ENTPD4: variants seen among roughly 807,000 people sequenced by gnomAD.
ENTPD4 encodes the protein Golgi UDPase.
In ENTPD4, 60 loss-of-function variants were observed where a neutral mutation model predicts 79.1. That is an observed-to-expected ratio of 0.76 (90% CI 0.62 to 0.94). The LOEUF (loss-of-function observed/expected upper bound fraction) is 0.94. Among genes scored for constraint, ENTPD4 ranks in the 40% least tolerant of loss-of-function variants. ENTPD4 has a pLI of 0.00. For synonymous variants in ENTPD4, 276 were observed against 292.0 expected (o/e 0.95, Z 0.56); for missense variants, 772 against 775.1 (o/e 1.00, Z 0.05).
intron 6 of ENTPD4, among the ~76,000 whole-genome samples, chr8:23,442,556 G>A (rs967612443): frequency 2.0e-5 from 3 of 151,972 alleles, no homozygotes; most frequent in African/African-American, 4.8e-5. Context: ...TGGTGGCGGC[G>A]CCTGTAGTCC....
chr8:23,455,647 C>A (rs1429822063), intron 1 of ENTPD4, among the ~76,000 whole-genome samples: 1 of 152,018 alleles, frequency 6.6e-6, no homozygotes, highest in Non-Finnish European at 1.5e-5. Flanking sequence ...ATTCTGGTTC[C>A]CATTTTAAGT....
intron 10 of ENTPD4, among the ~76,000 whole-genome samples, chr8:23,436,324 C>T (rs1162807207): frequency 6.6e-6 from 1 of 152,134 alleles, no homozygotes; most frequent in Non-Finnish European, 1.5e-5. Flanking sequence ...GTCCATGACT[C>T]CTAGGCTGCA....
At chr8:23,447,923 A>G in intron 3 of ENTPD4, 38 bp from the exon 4 acceptor site, 1 of 1,543,440 alleles carries the variant, frequency 6.5e-7, no homozygotes, top group Non-Finnish European at 9.0e-7. Flanking sequence ...ATTTAGACAA[A>G]GAATATCACC....
At chr8:23,434,533 A>G (rs1026643614) in intron 11 of ENTPD4, 55 bp from the exon 12 acceptor site, 52 of 757,416 alleles carry the variant, frequency 6.9e-5, no homozygotes, top group Middle Eastern at 3.4e-4. Context: ...TCAAGATGGC[A>G]CACACACACA....
At chr8:23,434,686 C>CA (rs1800525136) in intron 11 of ENTPD4, 15 of 1,410,316 alleles carry the variant, frequency 1.1e-5, no homozygotes, top group African/African-American at 1.4e-5. Flanking sequence ...GTTCACCTGT[C>CA]AAATCAATCA....
Position 23,441,698 on chromosome 8 carries a change from G to A in ENTPD4, c.753C>T (p.Asn251=). ...CTTCGCTGCTTTCACTTCCAGGAAT[G>A]TTAACTTCCACAACGGCCTCATCAT... is the stretch of plus-strand genomic sequence containing the variant. The part of the protein sequence containing the change: ...EDDDEAVVEV[N]IPGSESSEAI... Residue 251 remains asparagine, a synonymous_variant, in exon 8 of 13, where the codon AAC becomes AAT. Transcript: ENST00000358689. 6.2e-7 allele frequency: 1 copy of A among 1,614,110 alleles called. No individual in the cohort carries two copies. The highest frequency in any genetic ancestry group is 1.7e-5 in the Admixed American group (1 of 60,026).
At position 23,432,100 on chromosome 8, in the gene ENTPD4, A is replaced by C; in HGVS notation, c.*826T>G. 1.0e-6 allele frequency: 1 copy of C among 985,108 alleles called. No homozygotes were observed. The highest frequency in any genetic ancestry group is 1.2e-6 in the Non-Finnish European group (1 of 829,672). 61.0% of individuals were successfully genotyped at this position (985,108 alleles called of 1,614,324 possible). On this transcript the variant is annotated 3_prime_UTR_variant, in exon 13 of 13. Coordinates refer to ENST00000358689, the MANE Select transcript of ENTPD4 (RefSeq NM_004901.5). ...TGGTGCCCATGTTTCTCTGTTTTGG[A>C]TATAAATGGTTTAAAAAATTTAAAT...
chr8:23,437,381 G>A (rs1203911898), intron 9 of ENTPD4, 123 bp from the exon 10 acceptor site: 2 of 681,844 alleles, frequency 2.9e-6, no homozygotes, highest in Non-Finnish European at 2.4e-6. Context: ...GACCGTGTCT[G>A]TGGAACAGAA....
chr8:23,444,928 T>A (rs1289374420), intron 4 of ENTPD4, among the ~76,000 whole-genome samples: 2 of 152,132 alleles, frequency 1.3e-5, no homozygotes, highest in African/African-American at 2.4e-5. Context: ...CTGAGGCTGC[T>A]ATCACCATCA....
intron 5 of ENTPD4, 135 bp from the exon 6 acceptor site, chr8:23,444,088 T>A (rs993525128): frequency 1.2e-5 from 7 of 571,492 alleles, no homozygotes; most frequent in Middle Eastern, 4.1e-4. Flanking sequence ...TTAATTTTTT[T>A]AAAAAAGAAA....
intron 8 of ENTPD4, 200 bp from the exon 9 acceptor site, chr8:23,440,115 T>C: frequency 3.7e-6 from 2 of 533,918 alleles, no homozygotes; most frequent in Non-Finnish European, 6.6e-6. Flanking sequence ...AAATTTGTGA[T>C]ACTGTTATGA....
intron 1 of ENTPD4, among the ~76,000 whole-genome samples, chr8:23,451,124 C>T (rs1294378237): frequency 3.3e-5 from 5 of 151,192 alleles, no homozygotes; most frequent in Admixed American, 1.3e-4. Flanking sequence ...CAGGTTAAAG[C>T]GATTCTCCTG....
chr8:23,432,364 C>T lies in ENTPD4; in HGVS notation c.*562G>A. On this transcript the variant is annotated 3_prime_UTR_variant, in exon 13 of 13. Transcript: ENST00000358689. ...AATTTAACATTCCTTAGAGAAACCC[C>T]AGAAATCTCATTTATTTTTGGCAGA... is the stretch of plus-strand genomic sequence containing the variant. 1.0e-6 allele frequency: 1 copy of T among 985,584 alleles called. No homozygotes were observed. Among genetic ancestry groups the T allele is most frequent in the South Asian group, 4.7e-5 (1 of 21,282 alleles). 61.1% of individuals were successfully genotyped at this position (985,584 alleles called of 1,614,324 possible).
Position 23,439,770 on chromosome 8 carries a change from G to C in ENTPD4, c.1028C>G (p.Ala343Gly). 1 of 1,614,076 alleles carries C rather than the reference G, an allele frequency of 6.2e-7. No homozygotes were observed. Among genetic ancestry groups the C allele is most frequent in the Non-Finnish European group, 8.5e-7 (1 of 1,179,988 alleles). ...TTACCTGTTCTTTTGAATGGTGTTG[G>C]CAAATATTCTGTCTTCGTATCTCTG... The part of the protein sequence containing the change: ...ARQRYEDRIF[A>G]NTIQKNRLLG... Residue 343 changes from alanine (A) to glycine (G), a missense_variant, in exon 9 of 13, where the codon GCC becomes GGC. Coordinates refer to ENST00000358689, the MANE Select transcript of ENTPD4 (RefSeq NM_004901.5).
intron 5 of ENTPD4, 51 bp downstream of exon 5, chr8:23,444,405 C>T (rs759653972): frequency 3.3e-6 from 5 of 1,535,436 alleles, no homozygotes; most frequent in African/African-American, 1.4e-5. Context: ...AGAACACCCC[C>T]TCTCCCCTCC....
At chr8:23,441,879 C>A in intron 7 of ENTPD4, 128 bp downstream of exon 7, 1 of 1,109,686 alleles carries the variant, frequency 9.0e-7, no homozygotes, top group South Asian at 1.4e-5. Context: ...CGTTCAACTG[C>A]AGCTGCTCTC....
At chr8:23,435,593 C>A in intron 10 of ENTPD4, 116 bp from the exon 11 acceptor site, 1 of 725,198 alleles carries the variant, frequency 1.4e-6, no homozygotes, top group South Asian at 1.7e-5. Context: ...TTAGGAAACA[C>A]ACAAGCTTAA....
intron 6 of ENTPD4, among the ~76,000 whole-genome samples, chr8:23,443,169 GA>G (rs71548899): frequency 1.6e-4 from 24 of 147,760 alleles, no homozygotes; most frequent in Admixed American, 3.4e-4. Context: ...GCCCTAGCTG[GA>G]AAAAAAAAAA....
chr8:23,436,877 AC>A, intron 10 of ENTPD4, 56 bp downstream of exon 10: 1 of 1,327,992 alleles, frequency 7.5e-7, no homozygotes, highest in East Asian at 2.3e-5. Context: ...ATAACCCGTC[AC>A]CGTCCACACT....
Sources: gnomAD v4.1 joint callset for allele counts (sites outside exome capture counted in the v4.1 genomes callset) on GRCh38, gnomAD v4.1.1 for gene constraint, MANE v1.5 for transcripts, NCBI Gene and HGNC (gene_info 2026-07-23, HGNC 2026-07-21) for gene names.